Variants in LRRTM4 observed in about 807,000 individuals in gnomAD.
LRRTM4 encodes leucine rich repeat transmembrane neuronal 4.
In LRRTM4, 25 loss-of-function variants were observed where a neutral mutation model predicts 47.6. That is an observed-to-expected ratio of 0.53 (90% CI 0.38 to 0.73). The LOEUF (loss-of-function observed/expected upper bound fraction) is 0.73. LRRTM4 is among the 30% of genes least tolerant of loss of function. The pLI is 0.00. For missense variants in LRRTM4, 638 were observed against 713.4 expected, an observed-to-expected ratio of 0.89 and a Z score of 1.20; for synonymous variants, 311 against 269.5, an observed-to-expected ratio of 1.15 and a Z score of -1.51.
chr2:76,875,424 C>G (rs1672749551), intron 3 of LRRTM4, among the ~76,000 whole-genome samples: 1 of 152,116 alleles, frequency 6.6e-6, no homozygotes, highest in Non-Finnish European at 1.5e-5. Context: ...TAGCCCTCTA[C>G]ATTCCCAGGA....
In LRRTM4 at chr2:76,831,326, G is replaced by A. The variant is rs368860389; in HGVS notation, c.1552-82410C>T. Among the ~76,000 whole-genome samples the A allele has an allele frequency of 1.8e-4, 28 of 152,180 alleles. No individual in the cohort carries two copies. In the East Asian group the frequency reaches 5.4e-3, roughly 29 times the overall value. ...GATATTTCTGCTCTGTAGCTTCATT[G>A]GTGTGTGTGCGTGTGCACACGCTCG... On this transcript the variant is annotated intron_variant, in intron 3 of 3. Coordinates refer to ENST00000409884, the MANE Select transcript of LRRTM4 (RefSeq NM_001134745.3).
chr2:77,318,446 C>T (rs2104218846), intron 3 of LRRTM4, among the ~76,000 whole-genome samples: 1 of 152,248 alleles, frequency 6.6e-6, no homozygotes, highest in South Asian at 2.1e-4. Context: ...TTCACAACAC[C>T]TTGAAAAAGC....
At chr2:77,006,700 G>C (rs2104046714) in intron 3 of LRRTM4, among the ~76,000 whole-genome samples, 1 of 152,264 alleles carries the variant, frequency 6.6e-6, no homozygotes, top group East Asian at 1.9e-4. Context: ...AAAACCGGGA[G>C]ACTAGAAGGG....
intron 3 of LRRTM4, among the ~76,000 whole-genome samples, chr2:76,796,443 G>T (rs1275206135): frequency 1.5e-5 from 2 of 132,992 alleles, no homozygotes; most frequent in African/African-American, 2.9e-5. Context: ...GAGAGCTGTG[G>T]TTCTCCCAGC....
chr2:76,795,931 ACAGTGGGCGCAGGT>A (rs1675284443), intron 3 of LRRTM4, among the ~76,000 whole-genome samples: 1 of 151,516 alleles, frequency 6.6e-6, no homozygotes, highest in Non-Finnish European at 1.5e-5. Flanking sequence ...GGAGTGCCAG[ACAGTGGGCGCAGGT>A]CAGTGGGTGC....
In LRRTM4 at chr2:76,748,492, C is replaced by T. The variant is rs1672721603; in HGVS notation, c.*203G>A. 1 of 578,708 alleles carries T rather than the reference C, an allele frequency of 1.7e-6. No individual in the cohort carries two copies. 35.8% of individuals were successfully genotyped at this position (578,708 alleles called of 1,614,324 possible). ...ATGTTTTAAAGCAAAGAAAGTTCTG[C>T]AGTCCTCCCGGTAATGCTGCAGGTG... On this transcript the variant is annotated 3_prime_UTR_variant, in exon 4 of 4. Coordinates refer to ENST00000409884, the MANE Select transcript of LRRTM4 (RefSeq NM_001134745.3).
rs139041892 is a variant in LRRTM4 at position 77,188,109 on chromosome 2, T to A, written c.1551+330209A>T. Among the ~76,000 whole-genome samples the A allele has an allele frequency of 1.9e-4, 29 of 152,292 alleles. No homozygotes were observed. In the East Asian group the frequency reaches 3.9e-3, roughly 20 times the overall value. On this transcript the variant is annotated intron_variant, in intron 3 of 3. Transcript: ENST00000409884. ...CTGTTTACTCCCTGTAACTTTAAAC[T>A]GCTATACCATCACTGTTCTCACTTC...
At chr2:77,100,178 AAG>A (rs1222421651) in intron 3 of LRRTM4, among the ~76,000 whole-genome samples, 1 of 152,154 alleles carries the variant, frequency 6.6e-6, no homozygotes, top group Non-Finnish European at 1.5e-5. Flanking sequence ...ACTGCGATAG[AAG>A]AGAGAGTATC....
At chr2:77,128,149 A>AAC (rs1553394563) in intron 3 of LRRTM4, among the ~76,000 whole-genome samples, 7 of 151,488 alleles carry the variant, frequency 4.6e-5, no homozygotes, top group African/African-American at 1.7e-4. Flanking sequence ...TCTCAAAAAA[A>AAC]AAAACAAAAC....
chr2:77,501,610 CAATAA>C (rs1050296729), intron 3 of LRRTM4, among the ~76,000 whole-genome samples: 1 of 150,314 alleles, frequency 6.7e-6, no homozygotes, highest in African/African-American at 2.4e-5. Context: ...AAGGAAGAAA[CAATAA>C]AATAAAATAT....
intron 3 of LRRTM4, among the ~76,000 whole-genome samples, chr2:76,870,250 T>C (rs1672584648): frequency 6.6e-6 from 1 of 152,164 alleles, no homozygotes. Flanking sequence ...ATAGATTGCA[T>C]TTGGATCTGT....
chr2:77,133,945 T>A (rs1478787096), intron 3 of LRRTM4, among the ~76,000 whole-genome samples: 3 of 152,116 alleles, frequency 2.0e-5, no homozygotes, highest in Non-Finnish European at 4.4e-5. Context: ...TAATAAGAAA[T>A]TTTAAAAGTT....
chr2:76,782,318 C>G (rs1250258993), intron 3 of LRRTM4, among the ~76,000 whole-genome samples: 1 of 152,204 alleles, frequency 6.6e-6, no homozygotes, highest in African/African-American at 2.4e-5. Context: ...TCTAAATCTA[C>G]AGTACATATC....
intron 3 of LRRTM4, among the ~76,000 whole-genome samples, chr2:76,882,053 A>G (rs1183915363): frequency 6.6e-6 from 1 of 152,176 alleles, no homozygotes; most frequent in Non-Finnish European, 1.5e-5. Flanking sequence ...TTGAATTCCT[A>G]GTACAAAATC....
At chr2:76,855,702 G>T (rs1672128779) in intron 3 of LRRTM4, among the ~76,000 whole-genome samples, 1 of 152,116 alleles carries the variant, frequency 6.6e-6, no homozygotes, top group Non-Finnish European at 1.5e-5. Context: ...TAGAGAGTGG[G>T]TCTGAGGGCA....
chr2:77,358,000 TGGTTTAGAATCAG>T (rs1469862328), intron 3 of LRRTM4, among the ~76,000 whole-genome samples: 1 of 152,184 alleles, frequency 6.6e-6, no homozygotes, highest in East Asian at 1.9e-4. Context: ...CCATATATAC[TGGTTTAGAATCAG>T]GGTTTCCCTC....
chr2:76,793,171 A>G lies in LRRTM4; in HGVS notation c.1552-44255T>C, dbSNP rs544746480. On this transcript the variant is annotated intron_variant, in intron 3 of 3. Transcript: ENST00000409884. ...CCCAGGGGTACCTTGAATGAGGTGA[A>G]TAGTGTAACCTATTTATACTCTAGG... 3.4e-4 allele frequency among the ~76,000 whole-genome samples: 52 copies of G among 152,318 alleles called. 1 individual carries two copies. The highest frequency in any genetic ancestry group is 2.7e-3 in the Admixed American group (42 of 15,302).
In LRRTM4 at chr2:77,519,167, A is replaced by G; in HGVS notation, c.702T>C (p.Ile234=). The G allele has an allele frequency of 1.2e-6, 2 of 1,613,284 alleles. No individual in the cohort carries two copies. Among genetic ancestry groups the G allele is most frequent in the African/African-American group, 1.3e-5 (1 of 74,988 alleles). The change falls in exon 3 of 4, where the codon ATT becomes ATC. Residue 234 remains isoleucine (I), a synonymous_variant. Transcript: ENST00000409884. The surrounding 1 kb of genome is among the most constrained non-coding windows in gnomAD (Gnocchi z 4.6). ...AGCGAATCCTGTTCCATTGTAAGTA[A>G]ATTGAGCGGAGGTTGAAGAGACGTG... ...HFPRLFNLRS[I]YLQWNRIRSI...
intron 3 of LRRTM4, among the ~76,000 whole-genome samples, chr2:76,926,566 T>C (rs1437430717): frequency 6.6e-6 from 1 of 152,142 alleles, no homozygotes; most frequent in Non-Finnish European, 1.5e-5. Flanking sequence ...GGGGCTTTAT[T>C]AGTGGTGATT....
Sources: allele counts gnomAD v4.1 joint callset (sites outside exome capture counted in the v4.1 genomes callset), GRCh38; gene constraint gnomAD v4.1.1; non-coding constraint Gnocchi (gnomAD v3.1); transcripts MANE v1.5; gene names NCBI Gene and HGNC (gene_info 2026-07-23, HGNC 2026-07-21).